The following MYH10 variants were observed in gnomAD, a reference collection of about 807,000 sequenced individuals.
MYH10 encodes the protein myosin heavy chain 10, also known as myosin-10.
In MYH10, 55 loss-of-function variants were observed where a neutral mutation model predicts 257.8. That is an observed-to-expected ratio of 0.21 (90% CI 0.17 to 0.27). MYH10 has a LOEUF of 0.27. Among genes scored for constraint, MYH10 ranks in the 10% least tolerant of loss-of-function variants. The pLI, the probability that MYH10 is intolerant of heterozygous loss-of-function variation, is 1.00. For missense variants in MYH10, 1,631 were observed against 2,500.6 expected (o/e 0.65, Z 7.42); for synonymous variants, 854 against 921.7 (o/e 0.93, Z 1.33).
At position 8,613,757 on chromosome 17, in the gene MYH10, T is replaced by G. The variant is rs114029095; in HGVS notation, c.346-8775A>C. Among the ~76,000 whole-genome samples the G allele has an allele frequency of 1.9e-3, 291 of 152,284 alleles. 3 individuals are homozygous for G. The highest frequency in any genetic ancestry group is 6.6e-3 in the African/African-American group (273 of 41,552). On this transcript the variant is annotated intron_variant, in intron 2 of 42. Coordinates refer to ENST00000360416, the MANE Select transcript of MYH10 (RefSeq NM_001256012.3). ...ACATCACATGTACATAAACTAAATA[T>G]TCCAGCTGAAAAATATTGTCAGATT...
At chr17:8,620,959 A>G (rs76219873) in intron 2 of MYH10, among the ~76,000 whole-genome samples, 3 of 152,250 alleles carry the variant, frequency 2.0e-5, no homozygotes, top group African/African-American at 7.2e-5. Flanking sequence ...AAATCCAACA[A>G]ACTCAGTAAG....
intron 37 of MYH10, among the ~76,000 whole-genome samples, chr17:8,482,770 G>GA (rs1468504803): frequency 3.3e-5 from 5 of 152,238 alleles, no homozygotes; most frequent in Admixed American, 1.3e-4. Flanking sequence ...AACACTTTCA[G>GA]AAAAAACAGT....
chr17:8,484,565 A>G (rs890709298), intron 36 of MYH10, among the ~76,000 whole-genome samples: 1 of 152,232 alleles, frequency 6.6e-6, no homozygotes, highest in Non-Finnish European at 1.5e-5. Flanking sequence ...CCTTATGAAT[A>G]CAAATGCAAA....
rs551639926 is a variant in MYH10, at chr17:8,522,589, C to A, written c.1958-1304G>T. Among the ~76,000 whole-genome samples the A allele has an allele frequency of 3.3e-5, 5 of 152,312 alleles. No individual in the cohort carries two copies. The East Asian group carries it at 9.6e-4, about 29-fold the overall frequency. The stretch of plus-strand genomic sequence containing the variant: ...CCTTCAACCTCTCCCTCTTCACTTG[C>A]CCCAGCAGAAAGCGGCACAAACCCA... On this transcript the variant is annotated intron_variant, in intron 17 of 42. Coordinates refer to ENST00000360416, the MANE Select transcript of MYH10 (RefSeq NM_001256012.3).
intron 19 of MYH10, among the ~76,000 whole-genome samples, chr17:8,520,106 A>G (rs1402497757): frequency 6.6e-6 from 1 of 152,120 alleles, no homozygotes; most frequent in African/African-American, 2.4e-5. Context: ...AAGTACCCCA[A>G]CATGTTTTTA....
At chr17:8,628,635 GATCACAAAC>G (rs963053030) in intron 1 of MYH10, among the ~76,000 whole-genome samples, 4 of 152,090 alleles carry the variant, frequency 2.6e-5, no homozygotes, top group African/African-American at 9.7e-5. Context: ...TCAACCCAAT[GATCACAAAC>G]ACAAACCAAA....
chr17:8,577,808 G>GAA (rs774942623), intron 4 of MYH10, among the ~76,000 whole-genome samples: 4 of 152,106 alleles, frequency 2.6e-5, no homozygotes, highest in Non-Finnish European at 5.9e-5. Flanking sequence ...CTGGGATTAC[G>GAA]GGCCTGAGCC....
intron 3 of MYH10, among the ~76,000 whole-genome samples, chr17:8,593,285 G>C (rs963263959): frequency 1.3e-5 from 2 of 151,844 alleles, no homozygotes; most frequent in African/African-American, 4.8e-5. Context: ...ACAAGGGAAG[G>C]ATATTTGTTC....
Position 8,506,216 on chromosome 17 carries a change from C to T in MYH10, c.3386+102G>A. The T allele has an allele frequency of 1.6e-6, 2 of 1,223,874 alleles. No individual in the cohort carries two copies. Among genetic ancestry groups the T allele is most frequent in the Non-Finnish European group, 2.2e-6 (2 of 907,918 alleles). 75.8% of individuals were successfully genotyped at this position (1,223,874 alleles called of 1,614,324 possible). On this transcript the variant is annotated intron_variant, in intron 27 of 42. Transcript: ENST00000360416. The surrounding 1 kb of genome is among the most constrained non-coding windows in gnomAD (Gnocchi z 5.0). ...GTCACACCAAACAGCAAGCAAACCC[C>T]ATCTCACTCTCCCAGGGTTTTTGAA...
In MYH10 at chr17:8,545,639, A is replaced by G; in HGVS notation, c.1279-39T>C. 1 of 1,593,690 alleles carries G rather than the reference A, an allele frequency of 6.3e-7. No homozygotes were observed. Among genetic ancestry groups the G allele is most frequent in the Non-Finnish European group, 8.5e-7 (1 of 1,171,612 alleles). On this transcript the variant is annotated intron_variant, in intron 12 of 42. Transcript: ENST00000360416. This position sits in a 1 kb window ranked among gnomAD's most constrained non-coding sequence, Gnocchi z 4.7. Reference sequence around the variant, plus strand: ...ACAACAACCTTTTATTCTGGAAACAATCTCAACAAAGCATAAATAGCTGTT... The same window carrying G: ...ACAACAACCTTTTATTCTGGAAACAGTCTCAACAAAGCATAAATAGCTGTT...
chr17:8,514,272 T>C (rs1170038689), intron 21 of MYH10, among the ~76,000 whole-genome samples: 2 of 152,218 alleles, frequency 1.3e-5, no homozygotes, highest in Admixed American at 1.3e-4. Context: ...CTCTTTATCG[T>C]GCCTTTAGGA....
chr17:8,503,058 G>A (rs1315445874), intron 28 of MYH10, among the ~76,000 whole-genome samples: 2 of 152,264 alleles, frequency 1.3e-5, no homozygotes, highest in Non-Finnish European at 2.9e-5. Flanking sequence ...CAAGGCGGGC[G>A]GATCACCTGA....
At chr17:8,539,246 AG>A (rs1439700596) in intron 14 of MYH10, among the ~76,000 whole-genome samples, 1 of 152,238 alleles carries the variant, frequency 6.6e-6, no homozygotes, top group Non-Finnish European at 1.5e-5. Context: ...AAAACAGACT[AG>A]GACACTCGCC....
rs2083275244 is a variant in MYH10, at chr17:8,569,613, A to G, written c.756+107T>C. 2 of 768,030 alleles carry G rather than the reference A, an allele frequency of 2.6e-6. No individual in the cohort carries two copies. The highest frequency in any genetic ancestry group is 1.8e-5 in the African/African-American group (1 of 56,462). The allele number at this position is 768,030 out of a possible 1,614,324, so 47.6% of individuals were successfully genotyped here. ...GTATTATGTCTACAGAACTACATCT[A>G]TTAGCTTCTTAAAATCTAGGAAGAA... On this transcript the variant is annotated intron_variant, in intron 7 of 42. Transcript: ENST00000360416. This position sits in a 1 kb window ranked among gnomAD's most constrained non-coding sequence, Gnocchi z 4.1.
chr17:8,580,493 T>G (rs1183318630), intron 4 of MYH10, among the ~76,000 whole-genome samples: 3 of 152,148 alleles, frequency 2.0e-5, no homozygotes, highest in Non-Finnish European at 4.4e-5. Flanking sequence ...GCAAGGATCA[T>G]GTTTGCCTTA....
At chr17:8,503,612 G>A (rs766562143) in intron 28 of MYH10, among the ~76,000 whole-genome samples, 1 of 152,164 alleles carries the variant, frequency 6.6e-6, no homozygotes, top group Non-Finnish European at 1.5e-5. Context: ...CCAGCTGCTG[G>A]GTGGACCCAG....
In MYH10 at chr17:8,477,151, G is replaced by A. The variant is rs569543819; in HGVS notation, c.5707-103C>T. 7.6e-7 allele frequency: 1 copy of A among 1,309,870 alleles called. No individual in the cohort carries two copies. The highest frequency in any genetic ancestry group is 1.4e-5 in the African/African-American group (1 of 69,016). 81.1% of individuals were successfully genotyped at this position (1,309,870 alleles called of 1,614,324 possible). ...GTGTGGGGCTCTGCCTGTTACCCTT[G>A]TGAGCACGCGTGTACACGGATGTAC... is the stretch of plus-strand genomic sequence containing the variant. On this transcript the variant is annotated intron_variant, in intron 41 of 42. Transcript: ENST00000360416. This position sits in a 1 kb window ranked among gnomAD's most constrained non-coding sequence, Gnocchi z 4.2.
In MYH10 at chr17:8,546,580, G is replaced by T; in HGVS notation, c.1242C>A (p.Gly414=). 1 of 1,613,938 alleles carries T rather than the reference G, an allele frequency of 6.2e-7. No individual in the cohort carries two copies. The highest frequency in any genetic ancestry group is 8.5e-7 in the Non-Finnish European group (1 of 1,179,952). ...RAILTPRIKV[G]RDYVQKAQTK... is the part of the protein sequence containing the mutation. The stretch of plus-strand genomic sequence containing the variant: ...TCTGGGCTTTTTGCACATAGTCTCG[G>T]CCGACCTTGATCCGGGGAGTCAGGA... The change falls in exon 12 of 43, where the codon GGC becomes GGA. Residue 414 remains glycine, a synonymous_variant. Coordinates refer to ENST00000360416, the MANE Select transcript of MYH10 (RefSeq NM_001256012.3).
At chr17:8,480,031 C>CG (rs948309997) in intron 40 of MYH10, 79 bp downstream of exon 40, 51 of 1,455,576 alleles carry the variant, frequency 3.5e-5, no homozygotes, top group Non-Finnish European at 4.7e-5. Context: ...GGGGAGCCCC[C>CG]CCGAAAGGGG....
Sources: gnomAD v4.1 joint callset for allele counts (sites outside exome capture counted in the v4.1 genomes callset) on GRCh38, gnomAD v4.1.1 for gene constraint, Gnocchi (gnomAD v3.1) non-coding constraint, MANE v1.5 for transcripts, NCBI Gene and HGNC (gene_info 2026-07-23, HGNC 2026-07-21) for gene names.